The following ACSL3 variants were observed in gnomAD, a reference collection of about 807,000 sequenced individuals.
ACSL3 encodes fatty acid CoA ligase Acsl3.
Under a neutral mutation model 84.7 loss-of-function variants are expected in ACSL3, and 34 were observed. The observed-to-expected ratio is 0.40, with a 90% CI of 0.31 to 0.53. The LOEUF (loss-of-function observed/expected upper bound fraction) is 0.53, where lower values mean the gene tolerates loss of function less well. Ranked by LOEUF, ACSL3 falls within the 20% of genes least tolerant of loss-of-function variation. The pLI is 0.48. For missense variants in ACSL3, 680 were observed against 873.1 expected (o/e 0.78, Z 2.79); for synonymous variants, 315 against 299.4 (o/e 1.05, Z -0.54).
chr2:222,880,527 T>TA (rs1287945985), intron 1 of ACSL3, among the ~76,000 whole-genome samples: 11 of 152,024 alleles, frequency 7.2e-5, no homozygotes, highest in Admixed American at 3.3e-4. Context: ...TAATAATATA[T>TA]AAAAAAACTG....
chr2:222,922,166 C>A (rs1430114316), intron 8 of ACSL3, among the ~76,000 whole-genome samples: 2 of 152,144 alleles, frequency 1.3e-5, no homozygotes, highest in African/African-American at 4.8e-5. Context: ...GAAGTATATA[C>A]AAATACTTAC....
chr2:222,890,346 G>C (rs1303519851), intron 2 of ACSL3, among the ~76,000 whole-genome samples: 2 of 152,012 alleles, frequency 1.3e-5, no homozygotes, highest in Non-Finnish European at 2.9e-5. Flanking sequence ...ATATATTCTG[G>C]GTAGACTTAG....
In ACSL3 at chr2:222,922,699, T is replaced by C. The variant is rs763298438; in HGVS notation, c.957-9T>C. 10 of 1,613,720 alleles carry C rather than the reference T, an allele frequency of 6.2e-6. No homozygotes were observed. The highest frequency in any genetic ancestry group is 8.5e-6 in the Non-Finnish European group (10 of 1,179,828). ...GACTTTTGTTTCTGACGTCTCCCTTTTCTTTTAGAGAGGAAGATGTCTACA... is the reference window on the plus strand; with the variant it reads ...GACTTTTGTTTCTGACGTCTCCCTTCTCTTTTAGAGAGGAAGATGTCTACA... On this transcript the variant is annotated splice_polypyrimidine_tract_variant and intron_variant, in intron 8 of 16. Coordinates refer to ENST00000357430, the MANE Select transcript of ACSL3 (RefSeq NM_004457.5).
At chr2:222,887,257 C>T (rs1325179747) in intron 1 of ACSL3, among the ~76,000 whole-genome samples, 2 of 152,144 alleles carry the variant, frequency 1.3e-5, no homozygotes, top group African/African-American at 4.8e-5. Flanking sequence ...GGCTTGATGG[C>T]TCATTTCTTT....
In ACSL3 at chr2:222,929,671, G is replaced by A. The variant is rs866716063; in HGVS notation, c.1540+735G>A. Among the ~76,000 whole-genome samples the A allele has an allele frequency of 3.0e-4, 46 of 151,930 alleles. 1 individual carries two copies. The highest frequency in any genetic ancestry group is 6.8e-3 in the Middle Eastern group (2 of 294). ...TGCGTGCCTGTAATTCCAGCTACTC[G>A]GGAGGCTGAGGCAGGAGAATCACTT... On this transcript the variant is annotated intron_variant, in intron 13 of 16. Coordinates refer to ENST00000357430, the MANE Select transcript of ACSL3 (RefSeq NM_004457.5).
chr2:222,874,960 T>C (rs2106087897), intron 1 of ACSL3, among the ~76,000 whole-genome samples: 1 of 152,038 alleles, frequency 6.6e-6, no homozygotes. Flanking sequence ...AAAAAAAAGA[T>C]ATAAAAGTAA....
chr2:222,882,761 G>GTTTTTTTTTTTTT (rs71408540), intron 1 of ACSL3, among the ~76,000 whole-genome samples: 3 of 119,982 alleles, frequency 2.5e-5, no homozygotes, highest in African/African-American at 6.3e-5. Context: ...CCAGATCACT[G>GTTTTTTTTTTTTT]TTTTTTTTTT....
At chr2:222,923,932 C>G (rs1349273345) in intron 10 of ACSL3, among the ~76,000 whole-genome samples, 1 of 152,116 alleles carries the variant, frequency 6.6e-6, no homozygotes, top group Non-Finnish European at 1.5e-5. Flanking sequence ...ACCTAGCAAG[C>G]AAAATGCAGC....
At chr2:222,915,102 G>T (rs910139818) in intron 4 of ACSL3, among the ~76,000 whole-genome samples, 1 of 152,180 alleles carries the variant, frequency 6.6e-6, no homozygotes, top group Non-Finnish European at 1.5e-5. Context: ...AACCTTTAGA[G>T]TGTAAAATTC....
At chr2:222,867,651 G>A (rs1574512448) in intron 1 of ACSL3, among the ~76,000 whole-genome samples, 1 of 152,198 alleles carries the variant, frequency 6.6e-6, no homozygotes, top group African/African-American at 2.4e-5. Flanking sequence ...ACTGTGACAA[G>A]TTAGTACATT....
Position 222,919,093 on chromosome 2 carries a change from G to A in ACSL3, c.696G>A (p.Arg232=), listed in dbSNP as rs546213707. Residue 232 remains arginine (R), a synonymous_variant, in exon 7 of 17, where the codon CGG becomes CGA. Transcript: ENST00000357430. ...KDIVSLVPRL[R]HIITVDGKPP... ...TAGTTTCTTTGGTCCCACGCCTGCG[G>A]CACATCATCACTGTTGATGGAAAGC... The A allele has an allele frequency of 1.3e-4, 206 of 1,614,020 alleles. 2 individuals are homozygous for A. The South Asian group carries it at 1.6e-3, about 13-fold the overall frequency.
chr2:222,902,888 C>T (rs1451574080), intron 3 of ACSL3, among the ~76,000 whole-genome samples: 1 of 152,222 alleles, frequency 6.6e-6, no homozygotes, highest in Non-Finnish European at 1.5e-5. Flanking sequence ...CTCTGGGTCA[C>T]GGGTTTCAAC....
rs4674714 is a variant in ACSL3 at position 222,870,901 on chromosome 2, A to G, written c.-207+9643A>G. ...ATGAGGAGGGAATTGAGATTCTTGA[A>G]GAGAGGATTGATGTGAAATACGGGT... On this transcript the variant is annotated intron_variant, in intron 1 of 16. Coordinates refer to ENST00000357430, the MANE Select transcript of ACSL3 (RefSeq NM_004457.5). Among the ~76,000 whole-genome samples the G allele has an allele frequency of 3.7e-3, 561 of 152,226 alleles. 11 individuals are homozygous for G. Among genetic ancestry groups the G allele is most frequent in the Admixed American group, 0.031 (468 of 15,282 alleles).
rs1574515934 is a variant in ACSL3, at chr2:222,872,089, A to G, written c.-207+10831A>G. Among the ~76,000 whole-genome samples the G allele has an allele frequency of 2.0e-5, 3 of 152,224 alleles. No homozygotes were observed. The East Asian group carries it at 5.8e-4, about 29-fold the overall frequency. On this transcript the variant is annotated intron_variant, in intron 1 of 16. Transcript: ENST00000357430. ...CATAATTTAGAATACAGGTGTGCCT[A>G]AGGTTATAAAATAGATAATAGTACT... is the stretch of plus-strand genomic sequence containing the variant.
chr2:222,882,988 C>G (rs1022457590), intron 1 of ACSL3, among the ~76,000 whole-genome samples: 1 of 94,806 alleles, frequency 1.1e-5, no homozygotes, highest in African/African-American at 4.3e-5. Context: ...AGGATGGGCT[C>G]GAATCTCCTG....
At chr2:222,931,655 C>T (rs79605795) in intron 14 of ACSL3, among the ~76,000 whole-genome samples, 11,264 of 152,150 alleles carry the variant, frequency 0.074, 515 homozygotes, top group Middle Eastern at 0.13. Flanking sequence ...ATGTTTACCC[C>T]CTTAAACACA....
In ACSL3 at chr2:222,934,659, T is replaced by TA. The variant is rs1697127165; in HGVS notation, c.1980dup (p.Val661SerfsTer15). On this transcript the variant is annotated frameshift_variant, in exon 16 of 17. Transcript: ENST00000357430. LOFTEE classifies it high-confidence loss of function. ...GTTGTGAAATGGAAAATGAGGTACT[T>TA]AAAGTGCTTTCCGAAGCTGCTATTT... is the stretch of plus-strand genomic sequence containing the variant. 3 of 1,608,020 alleles carry TA rather than the reference T, an allele frequency of 1.9e-6. No individual in the cohort carries two copies. Among genetic ancestry groups the TA allele is most frequent in the South Asian group, 1.1e-5 (1 of 88,440 alleles).
At chr2:222,902,611 C>G (rs185235227) in intron 3 of ACSL3, among the ~76,000 whole-genome samples, 5 of 152,222 alleles carry the variant, frequency 3.3e-5, no homozygotes, top group Middle Eastern at 3.4e-3. Flanking sequence ...AGGTTCTTGT[C>G]TCATGACCAG....
intron 1 of ACSL3, among the ~76,000 whole-genome samples, chr2:222,866,326 CG>C (rs1319934922): frequency 1.3e-5 from 2 of 151,984 alleles, no homozygotes; most frequent in African/African-American, 4.8e-5. Context: ...TTTGTATTTT[CG>C]GTAGAGATGG....
Sources: gnomAD v4.1 joint callset for allele counts (sites outside exome capture counted in the v4.1 genomes callset) on GRCh38, gnomAD v4.1.1 for gene constraint, MANE v1.5 for transcripts, NCBI Gene and HGNC (gene_info 2026-07-23, HGNC 2026-07-21) for gene names.